The following NCOA2 variants were observed in gnomAD, a reference collection of about 807,000 sequenced individuals.
NCOA2 encodes the protein class E basic helix-loop-helix protein 75.
In NCOA2, 21 loss-of-function variants were observed where a neutral mutation model predicts 145.1. The ratio of observed to expected loss-of-function variants is 0.14; its 90% CI spans 0.10 to 0.21. The LOEUF is 0.21. NCOA2 is among the 10% of genes least tolerant of loss of function. The pLI is 1.00. For missense variants in NCOA2, 1,472 were observed against 1,837.6 expected (o/e 0.80, Z 3.64); for synonymous variants, 619 against 637.5 (o/e 0.97, Z 0.44).
Position 70,113,529 on chromosome 8 carries a change from G to A in NCOA2, c.*103C>T. On this transcript the variant is annotated 3_prime_UTR_variant, in exon 23 of 23. Coordinates refer to ENST00000452400, the MANE Select transcript of NCOA2 (RefSeq NM_006540.4). Reference sequence around the variant, plus strand: ...CCTGTCTGCTCTAGCAGAACCGGCTGGCAGGTCAGTTGGGTTGAAACAAAT... The same window carrying A: ...CCTGTCTGCTCTAGCAGAACCGGCTAGCAGGTCAGTTGGGTTGAAACAAAT... 2.2e-6 allele frequency: 3 copies of A among 1,347,656 alleles called. No individual in the cohort carries two copies. Among genetic ancestry groups the A allele is most frequent in the South Asian group, 2.5e-5 (2 of 79,774 alleles). The allele number at this position is 1,347,656 out of a possible 1,614,324, so 83.5% of individuals were successfully genotyped here. A position where few individuals can be genotyped will look rare whatever the true frequency, so the allele number is the denominator to read the frequency against.
At chr8:70,362,600 T>C (rs929886210) in intron 1 of NCOA2, among the ~76,000 whole-genome samples, 10 of 152,124 alleles carry the variant, frequency 6.6e-5, no homozygotes, top group East Asian at 3.8e-4. Flanking sequence ...CTCAATTACA[T>C]ATCCCACTAT....
intron 1 of NCOA2, among the ~76,000 whole-genome samples, chr8:70,364,849 C>T (rs62530511): frequency 6.7e-6 from 1 of 148,776 alleles, no homozygotes; most frequent in African/African-American, 2.5e-5. Flanking sequence ...TTTTTTCCCC[C>T]AGTCTGTGCA....
At chr8:70,325,348 C>CT (rs1806459754) in intron 1 of NCOA2, among the ~76,000 whole-genome samples, 1 of 152,170 alleles carries the variant, frequency 6.6e-6, no homozygotes, top group South Asian at 2.1e-4. Flanking sequence ...TGAAAATGCT[C>CT]TTTCAATCAC....
At chr8:70,351,751 ATTT>A (rs1266426866) in intron 1 of NCOA2, among the ~76,000 whole-genome samples, 5 of 129,870 alleles carry the variant, frequency 3.9e-5, no homozygotes, top group Admixed American at 7.9e-5. Context: ...ACCCCGGCTA[ATTT>A]TTTTTTTTTT....
intron 5 of NCOA2, among the ~76,000 whole-genome samples, chr8:70,173,901 C>T (rs1381144349): frequency 1.3e-5 from 2 of 152,084 alleles, no homozygotes; most frequent in African/African-American, 2.4e-5. Context: ...TTTAAAAATA[C>T]TAATTATTGT....
chr8:70,412,647 CAAA>C, the NCOA2 span, among the ~76,000 whole-genome samples: 2 of 48,302 alleles, frequency 4.1e-5, no homozygotes, highest in African/African-American at 1.7e-4. Context: ...TACTTCGTCT[CAAA>C]AAAAAAAAAA....
intron 4 of NCOA2, among the ~76,000 whole-genome samples, chr8:70,197,280 C>T (rs898389663): frequency 3.3e-5 from 5 of 152,144 alleles, no homozygotes; most frequent in African/African-American, 1.2e-4. Flanking sequence ...CTACATCAAC[C>T]TATCAATCAA....
intron 2 of NCOA2, among the ~76,000 whole-genome samples, chr8:70,261,697 A>G (rs1243421113): frequency 1.3e-5 from 2 of 152,198 alleles, no homozygotes; most frequent in Non-Finnish European, 2.9e-5. Flanking sequence ...AATAATCACA[A>G]TAATTACTGA....
intron 5 of NCOA2, among the ~76,000 whole-genome samples, chr8:70,173,603 G>A (rs1441984483): frequency 6.6e-6 from 1 of 152,134 alleles, no homozygotes; most frequent in Non-Finnish European, 1.5e-5. Context: ...TCCTGGAAAG[G>A]GAGGCTGAAT....
rs34008376 is a variant in NCOA2 at position 70,250,392 on chromosome 8, C to CAAAAAA, written c.-19-33634_-19-33629dup. Among the ~76,000 whole-genome samples, 26 of 49,598 alleles carry CAAAAAA rather than the reference C, an allele frequency of 5.2e-4. 1 individual carries two copies. Among genetic ancestry groups the CAAAAAA allele is most frequent in the African/African-American group, 1.6e-3 (25 of 15,708 alleles). The allele number at this position is 49,598 out of a possible 152,430, so 32.5% of individuals were successfully genotyped here. On this transcript the variant is annotated intron_variant, in intron 2 of 22. Transcript: ENST00000452400. ...TGGTTGACAGAGTGAGACCCTGTCT[C>CAAAAAA]AAAAAAAAAAAAAAAAAAAAAAAAA...
chr8:70,441,729 G>C, the NCOA2 span, among the ~76,000 whole-genome samples: 1 of 140,588 alleles, frequency 7.1e-6, no homozygotes, highest in African/African-American at 2.6e-5. Flanking sequence ...AAAGAAAGAA[G>C]AGAGAAAGAA....
intron 1 of NCOA2, among the ~76,000 whole-genome samples, chr8:70,334,614 G>A (rs1807405045): frequency 6.6e-6 from 1 of 152,116 alleles, no homozygotes; most frequent in East Asian, 1.9e-4. Context: ...TAAGGGAAGG[G>A]GGTTGTAGAC....
intron 22 of NCOA2, among the ~76,000 whole-genome samples, chr8:70,114,211 A>G (rs913445888): frequency 6.6e-6 from 1 of 152,118 alleles, no homozygotes; most frequent in African/African-American, 2.4e-5. Flanking sequence ...TTTTTAGTAG[A>G]GATGGGGTTT....
chr8:70,365,400 T>A (rs1810604022), intron 1 of NCOA2, among the ~76,000 whole-genome samples: 1 of 152,124 alleles, frequency 6.6e-6, no homozygotes, highest in Non-Finnish European at 1.5e-5. Context: ...CCATAAATAA[T>A]ATGCCCAGAG....
At chr8:70,158,673 A>T (rs1411879909) in intron 10 of NCOA2, among the ~76,000 whole-genome samples, 2 of 152,180 alleles carry the variant, frequency 1.3e-5, no homozygotes, top group Non-Finnish European at 2.9e-5. Context: ...AATTGCCTGA[A>T]CCCAAGAGGC....
At chr8:70,286,785 G>T (rs989306074) in intron 2 of NCOA2, among the ~76,000 whole-genome samples, 6 of 152,056 alleles carry the variant, frequency 3.9e-5, no homozygotes, top group Non-Finnish European at 7.3e-5. Flanking sequence ...AAGAGCAGCT[G>T]TAATTTCCCC....
At chr8:70,360,214 C>T (rs538759940) in intron 1 of NCOA2, among the ~76,000 whole-genome samples, 1 of 152,310 alleles carries the variant, frequency 6.6e-6, no homozygotes, top group South Asian at 2.1e-4. Flanking sequence ...TAACATAAAA[C>T]TGTAGCATAC....
intron 1 of NCOA2, among the ~76,000 whole-genome samples, chr8:70,320,491 A>G (rs976322837): frequency 6.6e-6 from 1 of 152,168 alleles, no homozygotes; most frequent in East Asian, 1.9e-4. Context: ...TACATGAAAG[A>G]TATGGTTTTA....
chr8:70,158,389 A>AT (rs1812518073), intron 10 of NCOA2, among the ~76,000 whole-genome samples: 2 of 152,360 alleles, frequency 1.3e-5, no homozygotes, highest in East Asian at 1.9e-4. Context: ...TATGACATTT[A>AT]TTTAAAAATC....
Sources: gnomAD v4.1 joint callset for allele counts (sites outside exome capture counted in the v4.1 genomes callset) on GRCh38, gnomAD v4.1.1 for gene constraint, MANE v1.5 for transcripts, NCBI Gene and HGNC (gene_info 2026-07-23, HGNC 2026-07-21) for gene names.